Variants in NRXN3 observed in about 807,000 individuals in gnomAD.
NRXN3 encodes the protein neurexin III.
Under a neutral mutation model 137.6 loss-of-function variants are expected in NRXN3, and 32 were observed. That is an observed-to-expected ratio of 0.23 (90% CI 0.18 to 0.31). The LOEUF is 0.31. NRXN3 is among the 10% of genes least tolerant of loss of function. The pLI is 1.00. For missense variants in NRXN3, 1,574 were observed against 2,062.5 expected, an observed-to-expected ratio of 0.76 and a Z score of 4.59; for synonymous variants, 798 against 784.5, an observed-to-expected ratio of 1.02 and a Z score of -0.29.
intron 15 of NRXN3, among the ~76,000 whole-genome samples, chr14:79,370,403 C>T (rs1213480714): frequency 1.3e-5 from 2 of 150,366 alleles, no homozygotes; most frequent in Non-Finnish European, 2.9e-5. Flanking sequence ...ACTGCAACCT[C>T]TGCCTCCGGG....
intron 20 of NRXN3, among the ~76,000 whole-genome samples, chr14:79,830,194 A>G (rs1455713885): frequency 6.6e-6 from 1 of 152,174 alleles, no homozygotes; most frequent in Non-Finnish European, 1.5e-5. Context: ...ATTTTTAACT[A>G]TAGTACCTTA....
intron 15 of NRXN3, chr14:79,280,862 C>T: frequency 3.3e-6 from 1 of 306,198 alleles, no homozygotes; most frequent in Non-Finnish European, 6.2e-6. Flanking sequence ...GGCAACTTAT[C>T]AGGTGAGTCC....
intron 16 of NRXN3, among the ~76,000 whole-genome samples, chr14:79,647,264 A>G (rs1387893649): frequency 7.4e-6 from 1 of 135,892 alleles, no homozygotes; most frequent in South Asian, 2.3e-4. Flanking sequence ...TTTCTACTCA[A>G]AATTAAATGG....
At chr14:78,912,189 C>A (rs1002346010) in intron 10 of NRXN3, among the ~76,000 whole-genome samples, 1 of 150,840 alleles carries the variant, frequency 6.6e-6, no homozygotes, top group East Asian at 2.0e-4. Flanking sequence ...TTTGTTCTTG[C>A]GATAGTTTGC....
chr14:78,992,465 T>G (rs908415944), intron 15 of NRXN3, among the ~76,000 whole-genome samples: 2 of 152,186 alleles, frequency 1.3e-5, no homozygotes, highest in African/African-American at 2.4e-5. Flanking sequence ...ATTGGGTTCT[T>G]ATTAGTATTT....
At chr14:79,205,647 G>A (rs1597259838) in intron 15 of NRXN3, among the ~76,000 whole-genome samples, 1 of 152,078 alleles carries the variant, frequency 6.6e-6, no homozygotes. Context: ...AGAGCATAAT[G>A]GTATGGAAAT....
intron 15 of NRXN3, among the ~76,000 whole-genome samples, chr14:79,006,202 G>A (rs1209320892): frequency 1.8e-5 from 2 of 112,922 alleles, no homozygotes; most frequent in Non-Finnish European, 3.1e-5. Flanking sequence ...ACAACACGTG[G>A]CTGCATAAAC....
chr14:78,885,245 A>G (rs1023704850), intron 10 of NRXN3, among the ~76,000 whole-genome samples: 3 of 150,686 alleles, frequency 2.0e-5, no homozygotes, highest in Non-Finnish European at 4.4e-5. Flanking sequence ...GTACATAGCC[A>G]TGTTTTGACT....
intron 15 of NRXN3, among the ~76,000 whole-genome samples, chr14:79,269,211 G>A (rs111901822): frequency 0.04 from 6,046 of 152,040 alleles, 310 homozygotes; most frequent in African/African-American, 0.11. Context: ...CACCACGCCC[G>A]GCTAATTTTT....
At chr14:78,248,819 C>T (rs1289584815) in intron 2 of NRXN3, among the ~76,000 whole-genome samples, 3 of 152,120 alleles carry the variant, frequency 2.0e-5, no homozygotes, top group East Asian at 1.9e-4. Context: ...GAAGCAGGGC[C>T]TTAAAATGTA....
intron 4 of NRXN3, among the ~76,000 whole-genome samples, chr14:78,298,562 G>A (rs12434970): frequency 0.039 from 5,944 of 152,288 alleles, 183 homozygotes; most frequent in Admixed American, 0.11. Flanking sequence ...AGCACAGGGT[G>A]GGATGTGAAT....
chr14:78,842,037 T>C (rs2099013896), intron 10 of NRXN3, among the ~76,000 whole-genome samples: 1 of 152,160 alleles, frequency 6.6e-6, no homozygotes, highest in South Asian at 2.1e-4. Flanking sequence ...AACCTCTTTA[T>C]CCTTTGCCTT....
intron 15 of NRXN3, among the ~76,000 whole-genome samples, chr14:79,012,117 ATATT>A (rs1331783961): frequency 6.6e-6 from 1 of 152,216 alleles, no homozygotes; most frequent in Non-Finnish European, 1.5e-5. Context: ...CCATGAAATA[ATATT>A]TATTTATACC....
At chr14:78,989,759 T>C (rs2099514737) in intron 15 of NRXN3, among the ~76,000 whole-genome samples, 1 of 152,206 alleles carries the variant, frequency 6.6e-6, no homozygotes, top group African/African-American at 2.4e-5. Context: ...TAATGCTTCT[T>C]TATCCTCACA....
intron 4 of NRXN3, among the ~76,000 whole-genome samples, chr14:78,408,044 T>C (rs2092601053): frequency 6.6e-6 from 1 of 152,162 alleles, no homozygotes; most frequent in East Asian, 1.9e-4. Context: ...GAAATAATTA[T>C]AGGAAAGAAC....
intron 6 of NRXN3, among the ~76,000 whole-genome samples, chr14:78,689,637 A>C (rs1385299814): frequency 1.3e-5 from 2 of 152,320 alleles, no homozygotes; most frequent in Middle Eastern, 3.4e-3. Context: ...TATAATAAAC[A>C]TATGTAGATA....
intron 4 of NRXN3, chr14:78,403,924 C>T (rs562598285): frequency 3.3e-5 from 30 of 917,014 alleles, no homozygotes; most frequent in South Asian, 5.0e-5. Context: ...ATGTGAGCTG[C>T]GGTGGGGGTG....
intron 4 of NRXN3, among the ~76,000 whole-genome samples, chr14:78,307,252 G>A (rs2077462249): frequency 6.6e-6 from 1 of 151,396 alleles, no homozygotes; most frequent in Admixed American, 6.6e-5. Flanking sequence ...TCCAAATCAA[G>A]AAATAGAATA....
chr14:79,795,214 G>C (rs114299944), intron 19 of NRXN3, among the ~76,000 whole-genome samples: 103 of 152,296 alleles, frequency 6.8e-4, no homozygotes, highest in African/African-American at 2.4e-3. Flanking sequence ...AAGTTCTGTT[G>C]TGTTTGCTTT....
Sources: gnomAD v4.1 joint callset for allele counts (sites outside exome capture counted in the v4.1 genomes callset) on GRCh38, gnomAD v4.1.1 for gene constraint, MANE v1.5 for transcripts, NCBI Gene and HGNC (gene_info 2026-07-23, HGNC 2026-07-21) for gene names.